VAPB: variants seen among roughly 807,000 people sequenced by gnomAD.
The protein encoded by VAPB is VAMP associated protein B and C.
In VAPB, 7 loss-of-function variants were observed where a neutral mutation model predicts 25.6. The ratio of observed to expected loss-of-function variants is 0.27; its 90% confidence interval spans 0.16 to 0.51. VAPB has a LOEUF of 0.51. Among genes scored for constraint, VAPB ranks in the 20% least tolerant of loss-of-function variants. VAPB has a pLI of 0.97. For missense variants in VAPB, 266 were observed against 301.3 expected, an observed-to-expected ratio of 0.88 and a Z score of 0.87; for synonymous variants, 112 against 109.2, an observed-to-expected ratio of 1.03 and a Z score of -0.16.
At position 58,449,646 on chromosome 20, in the gene VAPB, C is replaced by T. The variant is rs1016309513; in HGVS notation, c.*5411C>T. On this transcript the variant is annotated 3_prime_UTR_variant, in exon 6 of 6. Transcript: ENST00000475243. ...GAATAAAACAGTACTGTGGGAGAAT[C>T]GCTTTCTGCTGCTAGATAAATGCTG... 4.4e-6 allele frequency: 2 copies of T among 453,854 alleles called. No individual in the cohort carries two copies. Among genetic ancestry groups the T allele is most frequent in the Non-Finnish European group, 8.8e-6 (2 of 226,724 alleles). 28.1% of individuals were successfully genotyped at this position (453,854 alleles called of 1,614,324 possible).
In VAPB at chr20:58,448,867, A is replaced by C. The variant is rs990337084; in HGVS notation, c.*4632A>C. The C allele has an allele frequency of 2.2e-6, 1 of 453,992 alleles. No individual in the cohort carries two copies. Among genetic ancestry groups the C allele is most frequent in the African/African-American group, 2.0e-5 (1 of 50,004 alleles). The allele number at this position is 453,992 out of a possible 1,614,324, so 28.1% of individuals were successfully genotyped here. A position where few individuals can be genotyped will look rare whatever the true frequency, so the allele number is the denominator to read the frequency against. ...AATGACTTTGGGGGCTTTAGAAAGA[A>C]TATTGCCAGTCCGTCTCGGCAAGGA... On this transcript the variant is annotated 3_prime_UTR_variant, in exon 6 of 6. Coordinates refer to ENST00000475243, the MANE Select transcript of VAPB (RefSeq NM_004738.5).
intron 1 of VAPB, among the ~76,000 whole-genome samples, chr20:58,404,618 CT>C: frequency 6.6e-6 from 1 of 152,212 alleles, no homozygotes; most frequent in East Asian, 1.9e-4. Context: ...CATTTAACCT[CT>C]CTGTGCCTCA....
Position 58,450,122 on chromosome 20 carries a change from T to G in VAPB, c.*5887T>G, listed in dbSNP as rs1353508116. ...TGTCATACAAAAAAGTCCTGGCTGT[T>G]TCTCCGAACTGGCTGCCTGCATTCC... is the stretch of plus-strand genomic sequence containing the variant. On this transcript the variant is annotated 3_prime_UTR_variant, in exon 6 of 6. Coordinates refer to ENST00000475243, the MANE Select transcript of VAPB (RefSeq NM_004738.5). 5 of 454,134 alleles carry G rather than the reference T, an allele frequency of 1.1e-5. No homozygotes were observed. The highest frequency in any genetic ancestry group is 6.2e-5 in the South Asian group (4 of 64,480). The allele number at this position is 454,134 out of a possible 1,614,324, so 28.1% of individuals were successfully genotyped here. A position where few individuals can be genotyped will look rare whatever the true frequency, so the allele number is the denominator to read the frequency against.
chr20:58,433,124 C>A (rs373536852), intron 2 of VAPB, among the ~76,000 whole-genome samples: 80 of 152,252 alleles, frequency 5.3e-4, no homozygotes, highest in African/African-American at 1.8e-3. Context: ...GTATTTCTAT[C>A]CTGTTTTGTG....
At position 58,444,504 on chromosome 20, in the gene VAPB, C is replaced by T. The variant is rs2123105806; in HGVS notation, c.*269C>T. Reference sequence around the variant, plus strand: ...TGACAAGGGAAACCATGAGTAATGCCACAATGGCATATTGTAAATGTCATT... The same window carrying T: ...TGACAAGGGAAACCATGAGTAATGCTACAATGGCATATTGTAAATGTCATT... On this transcript the variant is annotated 3_prime_UTR_variant, in exon 6 of 6. Coordinates refer to ENST00000475243, the MANE Select transcript of VAPB (RefSeq NM_004738.5). 1.7e-6 allele frequency: 1 copy of T among 589,338 alleles called. No individual in the cohort carries two copies. Among genetic ancestry groups the T allele is most frequent in the East Asian group, 3.7e-5 (1 of 26,834 alleles). 36.5% of individuals were successfully genotyped at this position (589,338 alleles called of 1,614,324 possible). A position where few individuals can be genotyped will look rare whatever the true frequency, so the allele number is the denominator to read the frequency against.
chr20:58,410,992 A>G (rs1161975027), intron 1 of VAPB, among the ~76,000 whole-genome samples: 1 of 152,212 alleles, frequency 6.6e-6, no homozygotes, highest in African/African-American at 2.4e-5. Context: ...ATAAACATCC[A>G]TGTGCAGGTG....
intron 2 of VAPB, chr20:58,431,175 A>G (rs959666559): frequency 1.3e-5 from 2 of 152,250 alleles, no homozygotes; most frequent in Non-Finnish European, 2.9e-5. Flanking sequence ...AAAACACATC[A>G]GTCTCTGTTG....
Position 58,417,761 on chromosome 20 carries a change from G to A in VAPB, c.59-450G>A, listed in dbSNP as rs927267464. ...GCTCTAGATAATCATTTTGGAATGAGTTTAGTCCTTTACGCTCTCCCTGTT... is the reference window on the plus strand; with the variant it reads ...GCTCTAGATAATCATTTTGGAATGAATTTAGTCCTTTACGCTCTCCCTGTT... On this transcript the variant is annotated intron_variant, in intron 1 of 5. Transcript: ENST00000475243. Among the ~76,000 whole-genome samples, 3 of 152,182 alleles carry A rather than the reference G, an allele frequency of 2.0e-5. No homozygotes were observed. In the South Asian group the frequency reaches 6.2e-4, roughly 32 times the overall value.
Position 58,447,801 on chromosome 20 carries a change from A to T in VAPB, c.*3566A>T, listed in dbSNP as rs114038495. On this transcript the variant is annotated 3_prime_UTR_variant, in exon 6 of 6. Coordinates refer to ENST00000475243, the MANE Select transcript of VAPB (RefSeq NM_004738.5). ...AATCCATGCCAAAATACAATGTTAT[A>T]TGTCATTTTCAGCTCCTTCTCTAAA... 5.7e-4 allele frequency: 257 copies of T among 454,082 alleles called. No individual in the cohort carries two copies. The highest frequency in any genetic ancestry group is 4.8e-3 in the African/African-American group (240 of 50,126). 28.1% of individuals were successfully genotyped at this position (454,082 alleles called of 1,614,324 possible). A position where few individuals can be genotyped will look rare whatever the true frequency, so the allele number is the denominator to read the frequency against.
chr20:58,392,352 G>T (rs1398543538), intron 1 of VAPB, among the ~76,000 whole-genome samples: 1 of 152,198 alleles, frequency 6.6e-6, no homozygotes, highest in Non-Finnish European at 1.5e-5. Context: ...TCTGGCCCTG[G>T]ATTGGCCAAA....
chr20:58,420,976 T>C (rs1358021518), intron 2 of VAPB, among the ~76,000 whole-genome samples: 6 of 152,184 alleles, frequency 3.9e-5, no homozygotes, highest in Admixed American at 2.0e-4. Context: ...ACTAGAGTCC[T>C]CAGGAGGAGG....
rs1202964222 is a variant in VAPB, at chr20:58,413,859, G to A, written c.59-4352G>A. On this transcript the variant is annotated intron_variant, in intron 1 of 5. Coordinates refer to ENST00000475243, the MANE Select transcript of VAPB (RefSeq NM_004738.5). ...CACCTCCCTCCCAGATAGGGCGGCT[G>A]GCCTGGCAGAGGGGCTCCTCACTTC... is the stretch of plus-strand genomic sequence containing the variant. Among the ~76,000 whole-genome samples, 3 of 138,578 alleles carry A rather than the reference G, an allele frequency of 2.2e-5. 1 individual carries two copies. The highest frequency in any genetic ancestry group is 3.2e-5 in the Non-Finnish European group (2 of 62,680). 90.9% of individuals were successfully genotyped at this position (138,578 alleles called of 152,430 possible).
At position 58,442,871 on chromosome 20, in the gene VAPB, G is replaced by GAGCGAATGGA. The variant is rs1412317225; in HGVS notation, c.574-1203_574-1194dup. On this transcript the variant is annotated intron_variant, in intron 5 of 5. Transcript: ENST00000475243. ...ACCTACTAGGTACTCGGGCGGATGG[G>GAGCGAATGGA]AGCGAATGGAAGGAAACGAAGAAAA... Among the ~76,000 whole-genome samples, 5 of 152,210 alleles carry GAGCGAATGGA rather than the reference G, an allele frequency of 3.3e-5. No individual in the cohort carries two copies. The East Asian group carries it at 9.6e-4, about 29-fold the overall frequency.
At chr20:58,418,085 T>C (rs927186896) in intron 1 of VAPB, 126 bp from the exon 2 acceptor site, 1 of 1,286,558 alleles carries the variant, frequency 7.8e-7, no homozygotes, top group Non-Finnish European at 1.1e-6. Context: ...CTTTCATCCA[T>C]TGGCATGTTA....
At chr20:58,396,503 A>G (rs1407610049) in intron 1 of VAPB, among the ~76,000 whole-genome samples, 4 of 152,178 alleles carry the variant, frequency 2.6e-5, no homozygotes, top group Non-Finnish European at 5.9e-5. Flanking sequence ...ATTTACCTAG[A>G]TTTAAATTAC....
chr20:58,399,308 AAAAAG>A (rs1296211760), intron 1 of VAPB, among the ~76,000 whole-genome samples: 2 of 151,844 alleles, frequency 1.3e-5, no homozygotes, highest in Non-Finnish European at 2.9e-5. Context: ...CTCAAAAAAA[AAAAAG>A]AGAGAAAAAG....
chr20:58,438,839 G>C (rs1989101534), intron 3 of VAPB, 106 bp from the exon 4 acceptor site: 2 of 923,300 alleles, frequency 2.2e-6, no homozygotes, highest in Non-Finnish European at 3.5e-6. Flanking sequence ...ATATACATCA[G>C]GGCTTTCTCA....
intron 2 of VAPB, among the ~76,000 whole-genome samples, 188 bp downstream of exon 2, chr20:58,418,551 G>C (rs990062295): frequency 7.8e-6 from 1 of 128,744 alleles, no homozygotes; most frequent in Non-Finnish European, 1.6e-5. Context: ...CCAGTCGCCT[G>C]TTTTTTTCAT....
At chr20:58,401,650 CTT>C (rs1451337378) in intron 1 of VAPB, among the ~76,000 whole-genome samples, 1 of 152,144 alleles carries the variant, frequency 6.6e-6, no homozygotes, top group African/African-American at 2.4e-5. Flanking sequence ...TTCTCCCCCT[CTT>C]CTCCTTTCCC....
Sources: gnomAD v4.1 joint callset for allele counts (sites outside exome capture counted in the v4.1 genomes callset) on GRCh38, gnomAD v4.1.1 for gene constraint, MANE v1.5 for transcripts, NCBI Gene and HGNC (gene_info 2026-07-23, HGNC 2026-07-21) for gene names.